Variants in SHPRH observed in about 807,000 individuals in gnomAD.
The protein encoded by SHPRH is SNF2 histone linker PHD RING helicase, also known as E3 ubiquitin-protein ligase SHPRH.
A neutral mutation model predicts 202.5 loss-of-function variants in SHPRH; 106 were observed. The observed-to-expected ratio is 0.52, with a 90% CI of 0.45 to 0.62. The LOEUF (loss-of-function observed/expected upper bound fraction) is 0.62, where lower values mean the gene tolerates loss of function less well. SHPRH is among the 20% of genes least tolerant of loss of function. The probability of loss-of-function intolerance (pLI) is 0.00; values close to 1 mark genes in which losing one functional copy is unlikely to be tolerated. For synonymous variants in SHPRH, 729 were observed against 686.0 expected, an observed-to-expected ratio of 1.06 and a Z score of -0.98; for missense variants, 1,710 against 2,020.0, an observed-to-expected ratio of 0.85 and a Z score of 2.94.
intron 25 of SHPRH, among the ~76,000 whole-genome samples, chr6:145,901,794 C>A (rs1237955774): frequency 6.6e-6 from 1 of 152,100 alleles, no homozygotes; most frequent in Non-Finnish European, 1.5e-5. Context: ...TACTCCCATC[C>A]TTTCTCCTTA....
chr6:145,870,464 A>G (rs1167046202), intron 2 of SHPRH, among the ~76,000 whole-genome samples: 1 of 151,850 alleles, frequency 6.6e-6, no homozygotes, highest in South Asian at 2.1e-4. Flanking sequence ...AGGTTTCACC[A>G]TGTTAGCCAG....
intron 17 of SHPRH, among the ~76,000 whole-genome samples, chr6:145,924,386 C>A (rs929279736): frequency 6.6e-6 from 1 of 151,814 alleles, no homozygotes; most frequent in Non-Finnish European, 1.5e-5. Flanking sequence ...AGGAAAAATA[C>A]CTGTGGTTCT....
chr6:145,948,443 T>A, intron 4 of SHPRH, 93 bp from the exon 5 acceptor site: 1 of 877,220 alleles, frequency 1.1e-6, no homozygotes, highest in Non-Finnish European at 1.7e-6. Flanking sequence ...GTGAGGATAC[T>A]CTGGCATAGT....
At chr6:145,921,077 A>T in intron 21 of SHPRH, 90 bp downstream of exon 21, 1 of 1,147,768 alleles carries the variant, frequency 8.7e-7, no homozygotes, top group Non-Finnish European at 1.2e-6. Context: ...AGAAGATTTT[A>T]AAAAACTGGA....
intron 11 of SHPRH, among the ~76,000 whole-genome samples, chr6:145,939,102 C>T (rs1786446873): frequency 6.6e-6 from 1 of 152,124 alleles, no homozygotes; most frequent in South Asian, 2.1e-4. Flanking sequence ...ACAAATGAGA[C>T]TTCCATGTCC....
intron 3 of SHPRH, among the ~76,000 whole-genome samples, chr6:145,951,376 CACA>C (rs1221642296): frequency 6.6e-6 from 1 of 151,958 alleles, no homozygotes; most frequent in Non-Finnish European, 1.5e-5. Flanking sequence ...CCAAAAAATT[CACA>C]ACTTATTTTT....
chr6:145,866,134 G>A (rs1005662285), intron 2 of SHPRH, among the ~76,000 whole-genome samples: 1 of 152,212 alleles, frequency 6.6e-6, no homozygotes, highest in Non-Finnish European at 1.5e-5. Context: ...ATCCCCAAGG[G>A]GGAAAAACAG....
Position 145,945,551 on chromosome 6 carries a change from A to T in SHPRH, c.1408T>A (p.Ser470Thr), listed in dbSNP as rs1787278422. Residue 470 changes from serine (S) to threonine (T), a missense_variant, in exon 8 of 30, where the codon TCT (serine) becomes ACT (threonine). This residue lies in a region of SHPRH where 348 missense variants were observed against 356.9 expected (regional missense o/e 0.97). Transcript: ENST00000275233. Reference sequence around the variant, plus strand: ...CGTTGAACATCGTATCTATATATAGAACTGACATACTTATAGATGGAAAGG... The same window carrying T: ...CGTTGAACATCGTATCTATATATAGTACTGACATACTTATAGATGGAAAGG... The part of the protein sequence containing the change: ...SILSIYKYVS[S>T]IYRYDVQRNR... 1 of 1,613,162 alleles carries T rather than the reference A, an allele frequency of 6.2e-7. No homozygotes were observed. The highest frequency in any genetic ancestry group is 1.7e-5 in the Admixed American group (1 of 59,868).
chr6:145,887,100 G>T (rs1056900095), intron 29 of SHPRH, among the ~76,000 whole-genome samples: 2 of 152,126 alleles, frequency 1.3e-5, no homozygotes, highest in Non-Finnish European at 2.9e-5. Flanking sequence ...AAGTTAATTT[G>T]TTTCAAGAGA....
chr6:145,927,318 T>C, intron 14 of SHPRH, 41 bp from the exon 15 acceptor site: 2 of 1,535,482 alleles, frequency 1.3e-6, no homozygotes, highest in Admixed American at 1.7e-5. Flanking sequence ...GAGAGTCACA[T>C]ATTTAGTTCC....
chr6:145,864,432 C>T lies in SHPRH; in HGVS notation c.281G>A (p.Trp94Ter), dbSNP rs746548566. ...CTGTAGAATGGCAGTTGTCAGGGAC[C>T]AGGGGTGGGAGAATGGGGTGATGTC... The change falls in exon 3 of 3, where the codon TGG (tryptophan) becomes TAG (stop). Residue 94 changes from tryptophan (W) to a stop codon, truncating the protein, a stop_gained. Coordinates refer to the SHPRH transcript ENST00000417762. LOFTEE classifies it low-confidence loss of function (END_TRUNC). 5.0e-6 allele frequency: 2 copies of T among 401,730 alleles called. No homozygotes were observed. The highest frequency in any genetic ancestry group is 1.1e-5 in the Non-Finnish European group (2 of 189,600). 24.9% of individuals were successfully genotyped at this position (401,730 alleles called of 1,614,324 possible).
At chr6:145,949,854 A>AT (rs1158608728) in intron 4 of SHPRH, among the ~76,000 whole-genome samples, 1 of 152,126 alleles carries the variant, frequency 6.6e-6, no homozygotes. Flanking sequence ...TTCATCACAC[A>AT]TAAGTCTCCT....
At chr6:145,860,061 T>C (rs760514931), downstream of SHPRH, among the ~76,000 whole-genome samples, 56 of 152,076 alleles carry the variant, frequency 3.7e-4, no homozygotes, top group Admixed American at 7.2e-4. Context: ...AAAAGTGTAT[T>C]TCTTACAACT....
intron 2 of SHPRH, among the ~76,000 whole-genome samples, chr6:145,954,207 A>T (rs1788263513): frequency 6.6e-6 from 1 of 152,038 alleles, no homozygotes; most frequent in African/African-American, 2.4e-5. Flanking sequence ...TATATGGAGA[A>T]AATAAATCAA....
In SHPRH at chr6:145,928,063, C is replaced by T. The variant is rs183658390; in HGVS notation, c.3113-786G>A. 4.6e-5 allele frequency among the ~76,000 whole-genome samples: 7 copies of T among 152,018 alleles called. No homozygotes were observed. The East Asian group carries it at 9.7e-4, about 21-fold the overall frequency. On this transcript the variant is annotated intron_variant, in intron 14 of 29. Transcript: ENST00000275233. ...TGAAAAAAATTCAAAAAAAATATTT[C>T]GTGACATGTGAAAATTAAATTTCAG...
chr6:145,926,120 G>A (rs967550603), intron 16 of SHPRH, 84 bp downstream of exon 16: 6 of 1,141,402 alleles, frequency 5.3e-6, no homozygotes, highest in Admixed American at 4.0e-5. Context: ...TTTGTATGTT[G>A]TATGTCCTAG....
At chr6:145,888,882 G>C (rs977474406) in intron 28 of SHPRH, among the ~76,000 whole-genome samples, 1 of 152,148 alleles carries the variant, frequency 6.6e-6, no homozygotes, top group African/African-American at 2.4e-5. Context: ...AAACTTAAAA[G>C]ATGACTGGCA....
intron 1 of SHPRH, among the ~76,000 whole-genome samples, chr6:145,960,864 G>A (rs866917517): frequency 1.3e-5 from 2 of 152,178 alleles, no homozygotes; most frequent in Non-Finnish European, 2.9e-5. Flanking sequence ...TCCATGGACC[G>A]GAGGAGAGGG....
chr6:145,890,483 T>C (rs1431823486), intron 28 of SHPRH, among the ~76,000 whole-genome samples: 7 of 152,130 alleles, frequency 4.6e-5, no homozygotes. Flanking sequence ...TTGAGGTACA[T>C]TTTTCACTTG....
Sources: gnomAD v4.1 joint callset for allele counts (sites outside exome capture counted in the v4.1 genomes callset) on GRCh38, gnomAD v4.1.1 for gene constraint, gnomAD v4.1.1 regional missense constraint, MANE v1.5 for transcripts, NCBI Gene and HGNC (gene_info 2026-07-23, HGNC 2026-07-21) for gene names.